MAP2K4: variants seen among roughly 807,000 people sequenced by gnomAD.
The protein encoded by MAP2K4 is mitogen-activated protein kinase kinase 4.
MAP2K4 carries 4 observed loss-of-function variants against 48.5 expected under a neutral mutation model. The observed-to-expected ratio is 0.08, with a 90% CI of 0.04 to 0.19. The LOEUF (loss-of-function observed/expected upper bound fraction) is 0.19, where lower values mean the gene tolerates loss of function less well. Among genes scored for constraint, MAP2K4 ranks in the 10% least tolerant of loss-of-function variants. The pLI is 1.00. For missense variants in MAP2K4, 258 were observed against 493.3 expected (o/e 0.52, Z 4.52); for synonymous variants, 166 against 173.1 (o/e 0.96, Z 0.32).
At chr17:12,090,282 C>T (rs375832049) in intron 3 of MAP2K4, among the ~76,000 whole-genome samples, 18 of 152,194 alleles carry the variant, frequency 1.2e-4, no homozygotes, top group African/African-American at 3.6e-4. Context: ...ATCAGGACAC[C>T]GGCAGTCACA....
At chr17:12,129,356 G>T in intron 9 of MAP2K4, 69 bp downstream of exon 9, 1 of 1,581,714 alleles carries the variant, frequency 6.3e-7, no homozygotes, top group Non-Finnish European at 8.7e-7. Context: ...GGTCTTAGCA[G>T]CATTGGTACT....
chr17:12,079,509 G>A (rs1176501426), intron 2 of MAP2K4, among the ~76,000 whole-genome samples: 1 of 152,168 alleles, frequency 6.6e-6, no homozygotes, highest in African/African-American at 2.4e-5. Flanking sequence ...AAAGAAATAT[G>A]CCTACACAAA....
intron 2 of MAP2K4, among the ~76,000 whole-genome samples, chr17:12,071,478 C>G (rs1449356129): frequency 1.3e-5 from 2 of 152,068 alleles, no homozygotes; most frequent in African/African-American, 4.8e-5. Flanking sequence ...CTAGAAAATT[C>G]ATAGGAGAAA....
At chr17:12,065,255 C>T (rs1208129236) in intron 2 of MAP2K4, among the ~76,000 whole-genome samples, 1 of 68,264 alleles carries the variant, frequency 1.5e-5, no homozygotes, top group Non-Finnish European at 3.1e-5. Context: ...TATATATATA[C>T]ATATATTATT....
intron 6 of MAP2K4, among the ~76,000 whole-genome samples, chr17:12,111,600 C>T (rs1219865234): frequency 6.6e-6 from 1 of 151,498 alleles, no homozygotes; most frequent in Non-Finnish European, 1.5e-5. Flanking sequence ...CAAGGTACTG[C>T]CTGGGGAGTA....
At chr17:12,102,826 TTC>T (rs1971978056) in intron 4 of MAP2K4, among the ~76,000 whole-genome samples, 3 of 151,986 alleles carry the variant, frequency 2.0e-5, no homozygotes, top group Admixed American at 2.0e-4. Flanking sequence ...TTCATAATAT[TTC>T]TTTTTTATTA....
chr17:12,112,324 G>A lies in MAP2K4; in HGVS notation c.686-909G>A, dbSNP rs554474890. On this transcript the variant is annotated intron_variant, in intron 6 of 10. Transcript: ENST00000353533. ...CTAAAAATACAAAAATTAGCCAGGTGTGGTGGCGCATGCCTGTAATCCCAG... is the reference window on the plus strand; with the variant it reads ...CTAAAAATACAAAAATTAGCCAGGTATGGTGGCGCATGCCTGTAATCCCAG... Among the ~76,000 whole-genome samples, 15 of 152,170 alleles carry A rather than the reference G, an allele frequency of 9.9e-5. No individual in the cohort carries two copies. The South Asian group carries it at 1.9e-3, about 19-fold the overall frequency.
chr17:12,107,950 T>C lies in MAP2K4; in HGVS notation c.633+41T>C, dbSNP rs200711978. On this transcript the variant is annotated intron_variant, in intron 5 of 10. Transcript: ENST00000353533. ...TTAAATTATTCATTGTGTATATAGT[T>C]ATATAGAGATGCTGCTGGAGTTTTG... is the stretch of plus-strand genomic sequence containing the variant. 12 of 1,473,254 alleles carry C rather than the reference T, an allele frequency of 8.1e-6. No homozygotes were observed. The African/African-American group carries it at 1.5e-4, about 18-fold the overall frequency. The allele number at this position is 1,473,254 out of a possible 1,614,324, so 91.3% of individuals were successfully genotyped here. A position where few individuals can be genotyped will look rare whatever the true frequency, so the allele number is the denominator to read the frequency against.
intron 7 of MAP2K4, chr17:12,115,701 G>A (rs1972468755): frequency 2.6e-6 from 2 of 760,902 alleles, no homozygotes; most frequent in African/African-American, 3.4e-5. Context: ...CAAACTTCAA[G>A]CCAACTCACC....
intron 1 of MAP2K4, among the ~76,000 whole-genome samples, chr17:12,022,647 G>A (rs914728241): frequency 6.6e-6 from 1 of 152,168 alleles, no homozygotes; most frequent in Non-Finnish European, 1.5e-5. Context: ...TTGAGCATCT[G>A]CATAAAACGC....
chr17:12,030,489 T>A (rs1458902281), intron 1 of MAP2K4, among the ~76,000 whole-genome samples: 1 of 152,224 alleles, frequency 6.6e-6, no homozygotes, highest in Admixed American at 6.5e-5. Context: ...TTATATAGAT[T>A]CTGTACTGGT....
At chr17:12,067,255 T>C (rs1454362785) in intron 2 of MAP2K4, among the ~76,000 whole-genome samples, 1 of 152,244 alleles carries the variant, frequency 6.6e-6, no homozygotes, top group African/African-American at 2.4e-5. Flanking sequence ...AGAACAACTT[T>C]GTGCTGGTGA....
intron 2 of MAP2K4, among the ~76,000 whole-genome samples, chr17:12,060,191 TA>T (rs1970404702): frequency 6.6e-6 from 1 of 152,012 alleles, no homozygotes; most frequent in Non-Finnish European, 1.5e-5. Context: ...AAATTGTTTT[TA>T]AAAAGAAATA....
chr17:12,135,328 C>G (rs1232329139), intron 9 of MAP2K4, among the ~76,000 whole-genome samples: 2 of 152,172 alleles, frequency 1.3e-5, no homozygotes, highest in East Asian at 1.9e-4. Flanking sequence ...AGGTGATCCG[C>G]CTGCCTCGGC....
chr17:12,053,448 CTT>C (rs2151525040), intron 1 of MAP2K4, among the ~76,000 whole-genome samples: 1 of 150,924 alleles, frequency 6.6e-6, no homozygotes, highest in African/African-American at 2.4e-5. Flanking sequence ...TCTATGATGT[CTT>C]TATATATTTA....
chr17:12,110,350 T>C (rs1333256667), intron 5 of MAP2K4, 25 bp from the exon 6 acceptor site: 2 of 1,570,108 alleles, frequency 1.3e-6, no homozygotes, highest in South Asian at 2.2e-5. Context: ...AAGTTGTTTA[T>C]CCCATCTCTC....
intron 9 of MAP2K4, among the ~76,000 whole-genome samples, chr17:12,135,115 T>G (rs1208850388): frequency 6.6e-6 from 1 of 152,086 alleles, no homozygotes; most frequent in Non-Finnish European, 1.5e-5. Context: ...TGAGACGGAC[T>G]TTTGCTCTTG....
intron 2 of MAP2K4, among the ~76,000 whole-genome samples, chr17:12,065,129 A>T (rs1970567607): frequency 6.6e-6 from 1 of 152,098 alleles, no homozygotes; most frequent in Non-Finnish European, 1.5e-5. Flanking sequence ...ATTTTGTGAA[A>T]TAGAAAGGTG....
At chr17:12,022,003 G>A (rs150368109) in intron 1 of MAP2K4, among the ~76,000 whole-genome samples, 80 of 152,302 alleles carry the variant, frequency 5.3e-4, no homozygotes, top group Middle Eastern at 6.8e-3. Context: ...TTAAAACAGG[G>A]AATCTCAGAA....
Sources: allele counts gnomAD v4.1 joint callset (sites outside exome capture counted in the v4.1 genomes callset), GRCh38; gene constraint gnomAD v4.1.1; transcripts MANE v1.5; gene names NCBI Gene and HGNC (gene_info 2026-07-23, HGNC 2026-07-21).